The following AKT1 variants were observed in gnomAD, a reference collection of about 807,000 sequenced individuals.
The protein encoded by AKT1 is RAC-alpha serine/threonine-protein kinase.
AKT1 carries 21 observed loss-of-function variants against 63.1 expected under a neutral mutation model. The observed-to-expected ratio is 0.33, with a 90% CI of 0.24 to 0.48. The LOEUF is 0.48. Ranked by LOEUF, AKT1 falls within the 20% of genes least tolerant of loss-of-function variation. The pLI, the probability that AKT1 is intolerant of heterozygous loss-of-function variation, is 0.99. For missense variants in AKT1, 382 were observed against 666.0 expected (o/e 0.57, Z 4.69); for synonymous variants, 257 against 253.1 (o/e 1.02, Z -0.15).
intron 10 of AKT1, 35 bp downstream of exon 10, chr14:104,773,420 C>T (rs367980124): frequency 1.2e-6 from 2 of 1,613,960 alleles, no homozygotes; most frequent in Non-Finnish European, 1.7e-6. Flanking sequence ...GCCAGGCCCC[C>T]AGGGCCCTGC....
chr14:104,789,912 G>A (rs1011883912), intron 3 of AKT1, among the ~76,000 whole-genome samples: 6 of 152,270 alleles, frequency 3.9e-5, no homozygotes, highest in South Asian at 2.1e-4. Flanking sequence ...CCCCATGCCC[G>A]GTCCCTTCTG....
In AKT1 at chr14:104,775,199, G is replaced by A. The variant is rs752894366; in HGVS notation, c.444C>T (p.Asn148=). The change falls in exon 7 of 15, where the codon AAC becomes AAT. Residue 148 remains asparagine, a synonymous_variant. Coordinates refer to ENST00000649815, the MANE Select transcript of AKT1 (RefSeq NM_001382430.1). ...LAKPKHRVTM[N]EFEYLKLLGK... is the part of the protein sequence containing the mutation. ...CCAGCAGCTTCAGGTACTCAAACTC[G>A]TTCATGGTCTATGGGCAGGCACCAG... is the stretch of plus-strand genomic sequence containing the variant. 9.9e-6 allele frequency: 16 copies of A among 1,613,772 alleles called. No homozygotes were observed. Among genetic ancestry groups the A allele is most frequent in the African/African-American group, 9.3e-5 (7 of 74,930 alleles).
intron 3 of AKT1, among the ~76,000 whole-genome samples, chr14:104,789,208 C>T (rs955163228): frequency 6.6e-6 from 1 of 152,222 alleles, no homozygotes; most frequent in Non-Finnish European, 1.5e-5. Context: ...AGCCCTTTCT[C>T]GAGAGCCCAG....
chr14:104,769,895 T>G lies in AKT1; in HGVS notation c.*446A>C. 2.6e-6 allele frequency: 1 copy of G among 390,752 alleles called. No homozygotes were observed. Among genetic ancestry groups the G allele is most frequent in the Non-Finnish European group, 4.8e-6 (1 of 210,260 alleles). The allele number at this position is 390,752 out of a possible 1,614,324, so 24.2% of individuals were successfully genotyped here. ...TGCTGGCCAGCATACCATAGTGAGG[T>G]TGCATCTGGTGCCACCAGGTTGAAC... is the stretch of plus-strand genomic sequence containing the variant. On this transcript the variant is annotated 3_prime_UTR_variant, in exon 15 of 15. Coordinates refer to ENST00000649815, the MANE Select transcript of AKT1 (RefSeq NM_001382430.1).
At position 104,773,013 on chromosome 14, in the gene AKT1, C is replaced by T. The variant is rs1219649544; in HGVS notation, c.1037G>A (p.Arg346His). 7 of 1,614,148 alleles carry T rather than the reference C, an allele frequency of 4.3e-6. No homozygotes were observed. The highest frequency in any genetic ancestry group is 5.9e-6 in the Non-Finnish European group (7 of 1,180,024). The change falls in exon 12 of 15, where the codon CGC becomes CAC. Residue 346 changes from arginine (R) to histidine (H), a missense_variant. Physicochemically the swap from Arg to His is conservative, Grantham distance 29. Transcript: ENST00000649815. ...ATGGTCCTGGTTGTAGAAGGGCAGG[C>T]GACCGCACATCATCTCGTACATGAC... is the stretch of plus-strand genomic sequence containing the variant. ...GVVMYEMMCGRLPFYNQDHEK... is the reference protein window; with the variant it reads ...GVVMYEMMCGHLPFYNQDHEK...
At position 104,772,991 on chromosome 14, in the gene AKT1, G is replaced by A. The variant is rs767544462; in HGVS notation, c.1059C>T (p.Asp353=). The A allele has an allele frequency of 5.6e-6, 9 of 1,614,158 alleles. No individual in the cohort carries two copies. The highest frequency in any genetic ancestry group is 1.1e-5 in the South Asian group (1 of 91,076). The change falls in exon 12 of 15, where the codon GAC becomes GAT. Residue 353 remains aspartate, a synonymous_variant. Coordinates refer to ENST00000649815, the MANE Select transcript of AKT1 (RefSeq NM_001382430.1). ...MCGRLPFYNQ[D]HEKLFELILM... is the part of the protein sequence containing the mutation. Reference sequence around the variant, plus strand: ...GGATGAGCTCAAAAAGCTTCTCATGGTCCTGGTTGTAGAAGGGCAGGCGAC... The same window carrying A: ...GGATGAGCTCAAAAAGCTTCTCATGATCCTGGTTGTAGAAGGGCAGGCGAC...
rs1893867796 is a variant in AKT1 at position 104,795,743 on chromosome 14, G to C, written c.-517C>G. 6.8e-6 allele frequency: 1 copy of C among 146,454 alleles called. No homozygotes were observed. Among genetic ancestry groups the C allele is most frequent in the Non-Finnish European group, 1.5e-5 (1 of 65,608 alleles). 9.1% of individuals were successfully genotyped at this position (146,454 alleles called of 1,614,324 possible). On this transcript the variant is annotated 5_prime_UTR_variant, in exon 1 of 15. Transcript: ENST00000649815. The surrounding 1 kb of genome is among the most constrained non-coding windows in gnomAD (Gnocchi z 5.1). ...GCCGCCTGCCGCGCTCGGTCCTGCC[G>C]CCGCCGCCGGCCCGCCCTCTCCCCG...
rs765999603 is a variant in AKT1, at chr14:104,772,361, G to A, written c.1260+4C>T. 2.3e-5 allele frequency: 37 copies of A among 1,613,538 alleles called. No individual in the cohort carries two copies. Among genetic ancestry groups the A allele is most frequent in the Admixed American group, 1.7e-4 (10 of 59,992 alleles). ...GCGCGTGAATATGCGGGGAGCAGCC[G>A]CACCTTCTTCTCGTACACGTGCTGC... On this transcript the variant is annotated splice_donor_region_variant and intron_variant, in intron 13 of 14. Transcript: ENST00000649815.
chr14:104,772,741 C>G, intron 12 of AKT1, 137 bp downstream of exon 12: 2 of 1,043,146 alleles, frequency 1.9e-6, no homozygotes, highest in South Asian at 3.3e-5. Flanking sequence ...CTTTGGAGAT[C>G]AGCCCTGGCC....
intron 4 of AKT1, 109 bp downstream of exon 4, chr14:104,779,979 G>T: frequency 4.1e-6 from 6 of 1,473,350 alleles, no homozygotes; most frequent in Non-Finnish European, 5.5e-6. Context: ...TTGCTTGCCA[G>T]CCCAGGACTT....
chr14:104,769,511 C>T lies in AKT1; in HGVS notation c.*830G>A, dbSNP rs1892256118. On this transcript the variant is annotated 3_prime_UTR_variant, in exon 15 of 15. Coordinates refer to ENST00000649815, the MANE Select transcript of AKT1 (RefSeq NM_001382430.1). ...AGGGGCCCAGGGATGGCCACCCCCA[C>T]AGGGAGTCAGGGAGGGCCTGGGGCG... 1 of 531,454 alleles carries T rather than the reference C, an allele frequency of 1.9e-6. No homozygotes were observed. The highest frequency in any genetic ancestry group is 2.2e-5 in the Admixed American group (1 of 44,594). 32.9% of individuals were successfully genotyped at this position (531,454 alleles called of 1,614,324 possible).
rs2141006887 is a variant in AKT1, at chr14:104,792,626, A to G, written c.18T>C (p.Ile6=). MSDVA[I]VKEGWLHKRG... is the part of the protein sequence containing the mutation. ...GTTTGTGCAGCCAACCCTCCTTCAC[A>G]ATAGCCACGTCGCTCATGGTGCCCG... Residue 6 remains isoleucine (I), a synonymous_variant, in exon 3 of 15, where the codon ATT becomes ATC. Transcript: ENST00000649815. 1 of 1,611,546 alleles carries G rather than the reference A, an allele frequency of 6.2e-7. No homozygotes were observed. The highest frequency in any genetic ancestry group is 8.5e-7 in the Non-Finnish European group (1 of 1,179,860).
At position 104,793,194 on chromosome 14, in the gene AKT1, C is replaced by T. The variant is rs899104165; in HGVS notation, c.-147G>A. ...TTGACTTCTTTGACCCAGGCTGGCT[C>T]GGCCTTCCCTAAGCCCCTGGTGACA... On this transcript the variant is annotated 5_prime_UTR_variant, in exon 2 of 15. Transcript: ENST00000649815. 9 of 188,818 alleles carry T rather than the reference C, an allele frequency of 4.8e-5. No homozygotes were observed. The highest frequency in any genetic ancestry group is 9.0e-5 in the Non-Finnish European group (8 of 88,834). The allele number at this position is 188,818 out of a possible 1,614,324, so 11.7% of individuals were successfully genotyped here.
intron 3 of AKT1, among the ~76,000 whole-genome samples, chr14:104,784,083 G>A (rs1039131397): frequency 5.3e-5 from 8 of 152,072 alleles, no homozygotes; most frequent in South Asian, 2.1e-4. Context: ...CGGTTCCCTC[G>A]GCAGCGGGGA....
At chr14:104,770,578 G>A (rs527327617) in intron 14 of AKT1, 158 bp from the exon 15 acceptor site, 1 of 921,534 alleles carries the variant, frequency 1.1e-6, no homozygotes, top group South Asian at 1.7e-5. Flanking sequence ...ACAGGGACCT[G>A]GGCCCTCAGA....
At chr14:104,792,804 T>C (rs1056841295) in intron 2 of AKT1, 82 bp from the exon 3 acceptor site, 5 of 826,130 alleles carry the variant, frequency 6.1e-6, no homozygotes, top group Admixed American at 2.0e-5. Flanking sequence ...AGAGACCCAC[T>C]GCACGTGCCT....
At chr14:104,777,418 G>A (rs971847786) in intron 4 of AKT1, 8 of 488,844 alleles carry the variant, frequency 1.6e-5, no homozygotes, top group Non-Finnish European at 1.6e-5. Context: ...TGGGGCACAC[G>A]CACACCTGGG....
In AKT1 at chr14:104,770,103, A is replaced by C; in HGVS notation, c.*238T>G. On this transcript the variant is annotated 3_prime_UTR_variant, in exon 15 of 15. Coordinates refer to ENST00000649815, the MANE Select transcript of AKT1 (RefSeq NM_001382430.1). Reference sequence around the variant, plus strand: ...TCGGATTGTTCTGAGGGCTGAGGCCACACCCGGAGAACAAACTGGATGAAA... The same window carrying C: ...TCGGATTGTTCTGAGGGCTGAGGCCCCACCCGGAGAACAAACTGGATGAAA... 1.7e-6 allele frequency: 1 copy of C among 586,660 alleles called. No individual in the cohort carries two copies. Among genetic ancestry groups the C allele is most frequent in the Non-Finnish European group, 3.1e-6 (1 of 326,924 alleles). 36.3% of individuals were successfully genotyped at this position (586,660 alleles called of 1,614,324 possible). A position where few individuals can be genotyped will look rare whatever the true frequency, so the allele number is the denominator to read the frequency against.
intron 3 of AKT1, among the ~76,000 whole-genome samples, chr14:104,789,089 C>A (rs61759767): frequency 1.3e-5 from 2 of 152,346 alleles, no homozygotes; most frequent in African/African-American, 4.8e-5. Flanking sequence ...CACAGCCTGC[C>A]GAAGGCAGCC....
Sources: gnomAD v4.1 joint callset for allele counts (sites outside exome capture counted in the v4.1 genomes callset) on GRCh38, gnomAD v4.1.1 for gene constraint, Gnocchi (gnomAD v3.1) non-coding constraint, MANE v1.5 for transcripts, NCBI Gene and HGNC (gene_info 2026-07-23, HGNC 2026-07-21) for gene names.